CTNNA2: variants seen among roughly 807,000 people sequenced by gnomAD.
The protein encoded by CTNNA2 is catenin alpha 2, also known as catenin alpha-2.
CTNNA2 carries 42 observed loss-of-function variants against 101.0 expected under a neutral mutation model. The ratio of observed to expected loss-of-function variants is 0.42; its 90% confidence interval spans 0.32 to 0.54. The LOEUF (loss-of-function observed/expected upper bound fraction) is 0.54, where lower values mean the gene tolerates loss of function less well. Ranked by LOEUF, CTNNA2 falls within the 20% of genes least tolerant of loss-of-function variation. The probability of loss-of-function intolerance (pLI) is 0.14; values close to 1 mark genes in which losing one functional copy is unlikely to be tolerated. For missense variants in CTNNA2, 871 were observed against 1,223.1 expected (o/e 0.71, Z 4.29); for synonymous variants, 450 against 456.4 (o/e 0.99, Z 0.18).
At chr2:79,691,693 C>A (rs1488191541) in intron 2 of CTNNA2, among the ~76,000 whole-genome samples, 1 of 151,946 alleles carries the variant, frequency 6.6e-6, no homozygotes, top group African/African-American at 2.4e-5. Flanking sequence ...ACCAATGGAA[C>A]AGAACAGAGG....
chr2:80,608,613 G>T, intron 17 of CTNNA2: 1 of 222,058 alleles, frequency 4.5e-6, no homozygotes, highest in South Asian at 1.2e-4. Flanking sequence ...AATTATTTGG[G>T]GCTTTTGTAT....
intron 2 of CTNNA2, among the ~76,000 whole-genome samples, chr2:79,271,986 A>G (rs181898057): frequency 1.4e-3 from 209 of 152,156 alleles, no homozygotes; most frequent in African/African-American, 4.7e-3. Context: ...AACCCATTTC[A>G]TGAGGTCCTT....
intron 7 of CTNNA2, among the ~76,000 whole-genome samples, chr2:79,971,821 A>G (rs1690505900): frequency 6.6e-6 from 1 of 152,136 alleles, no homozygotes; most frequent in Non-Finnish European, 1.5e-5. Flanking sequence ...GGACAAGGCT[A>G]AGCAAGGATA....
intron 1 of CTNNA2, among the ~76,000 whole-genome samples, chr2:79,588,050 C>A (rs549910304): frequency 5.9e-5 from 9 of 152,126 alleles, no homozygotes; most frequent in African/African-American, 2.2e-4. Context: ...TAGAGACTTG[C>A]CAGAGAACTT....
At chr2:80,230,845 A>C (rs910230535) in intron 7 of CTNNA2, among the ~76,000 whole-genome samples, 1 of 152,198 alleles carries the variant, frequency 6.6e-6, no homozygotes, top group Non-Finnish European at 1.5e-5. Context: ...CTGTCAGCCA[A>C]TAAAGATTCT....
intron 2 of CTNNA2, among the ~76,000 whole-genome samples, chr2:79,666,589 G>A (rs1387517623): frequency 6.6e-6 from 1 of 152,134 alleles, no homozygotes; most frequent in Non-Finnish European, 1.5e-5. Context: ...GAATCTCATA[G>A]ATGTTTAACC....
At position 79,289,667 on chromosome 2, in the gene CTNNA2, C is replaced by T. The variant is rs570815955; in HGVS notation, c.-405-23042C>T. ...GGCTGAGGCAGGAGAACTGCAGGAA[C>T]CCAGGAGCCAGAGATTGCAGTGAGC... On this transcript the variant is annotated intron_variant, in intron 2 of 21. Coordinates refer to the CTNNA2 transcript ENST00000466387. Among the ~76,000 whole-genome samples the T allele has an allele frequency of 2.2e-4, 33 of 152,286 alleles. 1 individual carries two copies. In the South Asian group the frequency reaches 6.2e-3, roughly 29 times the overall value.
rs1189850856 is a variant in CTNNA2 at position 79,762,557 on chromosome 2, A to G, written c.298+17975A>G. ...TTTGCATAGAGTGTCCTAGAGATTAAAGAGCAAAGATAAAATAAGTAATAG... is the reference window on the plus strand; with the variant it reads ...TTTGCATAGAGTGTCCTAGAGATTAGAGAGCAAAGATAAAATAAGTAATAG... On this transcript the variant is annotated intron_variant, in intron 3 of 18. Coordinates refer to ENST00000402739, the MANE Select transcript of CTNNA2 (RefSeq NM_001282597.3). 4.6e-5 allele frequency among the ~76,000 whole-genome samples: 7 copies of G among 152,174 alleles called. No individual in the cohort carries two copies. In the East Asian group the frequency reaches 1.4e-3, roughly 29 times the overall value.
At chr2:80,250,210 T>A (rs1671660549) in intron 7 of CTNNA2, among the ~76,000 whole-genome samples, 2 of 150,682 alleles carry the variant, frequency 1.3e-5, no homozygotes, top group African/African-American at 2.5e-5. Context: ...AGAGAGTGTG[T>A]GTGTGTGTGT....
intron 7 of CTNNA2, among the ~76,000 whole-genome samples, chr2:80,138,593 C>G (rs1389709418): frequency 3.3e-5 from 5 of 152,116 alleles, no homozygotes; most frequent in African/African-American, 1.2e-4. Context: ...GTACCCATCA[C>G]AACACAGGGC....
Position 80,302,063 on chromosome 2 carries a change from T to TTTAA in CTNNA2, c.1057-91145_1057-91142dup. ...TGTGGGGTGGGGTTTTTTGTTGTGT[T>TTTAA]TTAATTCGCTTTTGTTTTTAAGACA... is the stretch of plus-strand genomic sequence containing the variant. On this transcript the variant is annotated intron_variant, in intron 7 of 18. Coordinates refer to ENST00000402739, the MANE Select transcript of CTNNA2 (RefSeq NM_001282597.3). The surrounding 1 kb of genome is among the most constrained non-coding windows in gnomAD (Gnocchi z 6.4). 1 of 756,438 alleles carries TTTAA rather than the reference T, an allele frequency of 1.3e-6. No homozygotes were observed. Among genetic ancestry groups the TTTAA allele is most frequent in the Non-Finnish European group, 2.0e-6 (1 of 494,188 alleles). 46.9% of individuals were successfully genotyped at this position (756,438 alleles called of 1,614,324 possible). A position where few individuals can be genotyped will look rare whatever the true frequency, so the allele number is the denominator to read the frequency against.
At chr2:80,428,772 T>A (rs1353899294) in intron 9 of CTNNA2, among the ~76,000 whole-genome samples, 1 of 152,110 alleles carries the variant, frequency 6.6e-6, no homozygotes, top group African/African-American at 2.4e-5. Context: ...ACAACTATAT[T>A]GATGATGATC....
At chr2:79,780,038 C>G (rs930968160) in intron 3 of CTNNA2, among the ~76,000 whole-genome samples, 9 of 152,158 alleles carry the variant, frequency 5.9e-5, no homozygotes, top group Non-Finnish European at 1.3e-4. Context: ...CATCATAAAA[C>G]TTTGGTCTCC....
intron 7 of CTNNA2, among the ~76,000 whole-genome samples, chr2:79,914,123 C>T (rs1463174543): frequency 2.0e-5 from 3 of 147,384 alleles, no homozygotes; most frequent in African/African-American, 7.5e-5. Context: ...GCCGAGATCC[C>T]GCCACTGCAC....
intron 7 of CTNNA2, among the ~76,000 whole-genome samples, chr2:79,963,070 CAAAAAAAA>C (rs56764501): frequency 9.1e-5 from 6 of 66,190 alleles, no homozygotes; most frequent in East Asian, 4.5e-4. Flanking sequence ...GACTCCGTCT[CAAAAAAAA>C]AAAAAAAAAA....
intron 15 of CTNNA2, among the ~76,000 whole-genome samples, chr2:80,599,055 C>G (rs535229776): frequency 6.6e-6 from 1 of 152,050 alleles, no homozygotes. Flanking sequence ...TGCAGTCATA[C>G]AAGATATTAA....
intron 7 of CTNNA2, among the ~76,000 whole-genome samples, chr2:80,050,573 C>T (rs994954953): frequency 5.9e-5 from 9 of 152,166 alleles, no homozygotes; most frequent in African/African-American, 2.2e-4. Flanking sequence ...TACAGATTGG[C>T]CAGCAACCTG....
intron 4 of CTNNA2, among the ~76,000 whole-genome samples, chr2:79,481,637 G>C (rs1363013214): frequency 6.6e-6 from 1 of 152,172 alleles, no homozygotes; most frequent in Non-Finnish European, 1.5e-5. Flanking sequence ...AACTTGTAGA[G>C]GTGCTAGATA....
intron 7 of CTNNA2, among the ~76,000 whole-genome samples, chr2:80,188,682 T>G (rs991915838): frequency 1.3e-5 from 2 of 152,168 alleles, no homozygotes; most frequent in African/African-American, 4.8e-5. Context: ...CTTCTCATAC[T>G]GTTGTCTATC....
Sources: allele counts gnomAD v4.1 joint callset (sites outside exome capture counted in the v4.1 genomes callset), GRCh38; gene constraint gnomAD v4.1.1; non-coding constraint Gnocchi (gnomAD v3.1); transcripts MANE v1.5; gene names NCBI Gene and HGNC (gene_info 2026-07-23, HGNC 2026-07-21).